Variants in NR3C2 observed in about 807,000 individuals in gnomAD.
The protein encoded by NR3C2 is nuclear receptor subfamily 3 group C member 2.
In NR3C2, 15 loss-of-function variants were observed where a neutral mutation model predicts 86.4. The ratio of observed to expected loss-of-function variants is 0.17; its 90% CI spans 0.12 to 0.27. The LOEUF (loss-of-function observed/expected upper bound fraction) is 0.27, where lower values mean the gene tolerates loss of function less well. NR3C2 is among the 10% of genes least tolerant of loss of function. The probability of loss-of-function intolerance (pLI) is 1.00; values close to 1 mark genes in which losing one functional copy is unlikely to be tolerated. For missense variants in NR3C2, 960 were observed against 1,195.6 expected (o/e 0.80, Z 2.91); for synonymous variants, 458 against 450.5 (o/e 1.02, Z -0.21).
chr4:148,415,595 T>A (rs1429473497), intron 2 of NR3C2, among the ~76,000 whole-genome samples: 1 of 152,032 alleles, frequency 6.6e-6, no homozygotes. Context: ...ATGTGCAGGG[T>A]CCATGCCTCC....
At position 148,080,376 on chromosome 4, in the gene NR3C2, GC is replaced by G. The variant is rs1162790726; in HGVS notation, c.*967del. On this transcript the variant is annotated 3_prime_UTR_variant, in exon 9 of 9. Transcript: ENST00000358102. ...AAAATAATGGTAAATTAGATATGAA[GC>G]TAAAAAAGGCACAGCTTTCCCTTTC... 1 of 152,576 alleles carries G rather than the reference GC, an allele frequency of 6.6e-6. No homozygotes were observed. The highest frequency in any genetic ancestry group is 2.4e-5 in the African/African-American group (1 of 41,430). 9.5% of individuals were successfully genotyped at this position (152,576 alleles called of 1,614,324 possible).
intron 2 of NR3C2, among the ~76,000 whole-genome samples, chr4:148,316,490 G>A (rs1743182576): frequency 6.6e-6 from 1 of 151,968 alleles, no homozygotes; most frequent in Non-Finnish European, 1.5e-5. Context: ...CATTAATTAC[G>A]TACAAACACC....
chr4:148,204,026 T>C (rs949490207), intron 3 of NR3C2, among the ~76,000 whole-genome samples: 1 of 152,226 alleles, frequency 6.6e-6, no homozygotes, highest in African/African-American at 2.4e-5. Context: ...CAAGAGTTCT[T>C]CCCATGTGGA....
At chr4:148,178,476 T>G (rs1047817242) in intron 4 of NR3C2, among the ~76,000 whole-genome samples, 1 of 151,750 alleles carries the variant, frequency 6.6e-6, no homozygotes, top group African/African-American at 2.4e-5. Flanking sequence ...TATTGAAAAT[T>G]TTGCCACGAT....
intron 6 of NR3C2, 117 bp downstream of exon 6, chr4:148,152,352 A>C: frequency 1.7e-6 from 2 of 1,179,950 alleles, no homozygotes; most frequent in Non-Finnish European, 2.4e-6. Context: ...TAACGTTAAA[A>C]AATGCCAGTT....
rs914324937 is a variant in NR3C2, at chr4:148,406,903, G to A, written c.1757+28201C>T. Among the ~76,000 whole-genome samples, 3 of 152,310 alleles carry A rather than the reference G, an allele frequency of 2.0e-5. No homozygotes were observed. The South Asian group carries it at 6.2e-4, about 32-fold the overall frequency. On this transcript the variant is annotated intron_variant, in intron 2 of 8. Transcript: ENST00000358102. ...TGACAGTCAATAGTTTCAGTGAGAT[G>A]TGAATTTAAGCTGCGTAATTATTGG...
chr4:148,123,514 C>CT (rs1175681430), intron 6 of NR3C2, among the ~76,000 whole-genome samples: 5 of 152,320 alleles, frequency 3.3e-5, no homozygotes, highest in East Asian at 1.9e-4. Context: ...CTTACACCCC[C>CT]TCCCCTTTTG....
At chr4:148,090,688 G>A in intron 8 of NR3C2, among the ~76,000 whole-genome samples, 1 of 152,162 alleles carries the variant, frequency 6.6e-6, no homozygotes, top group Non-Finnish European at 1.5e-5. Flanking sequence ...AGGGGCTGGG[G>A]TTAAGGGCTT....
intron 3 of NR3C2, among the ~76,000 whole-genome samples, chr4:148,242,294 G>C (rs891759244): frequency 2.0e-5 from 3 of 152,186 alleles, no homozygotes; most frequent in Non-Finnish European, 4.4e-5. Context: ...TCTGTTGCTG[G>C]TGGGGATGGA....
At chr4:148,141,761 C>A (rs1190663576) in intron 6 of NR3C2, among the ~76,000 whole-genome samples, 1 of 152,138 alleles carries the variant, frequency 6.6e-6, no homozygotes, top group Admixed American at 6.5e-5. Flanking sequence ...TCTCATAGGA[C>A]TGCGAACCCT....
chr4:148,360,466 G>A (rs575767839), intron 2 of NR3C2, among the ~76,000 whole-genome samples: 33 of 152,090 alleles, frequency 2.2e-4, no homozygotes, highest in African/African-American at 6.3e-4. Flanking sequence ...AGGCTCTTAC[G>A]GTAAAGCTAA....
chr4:148,401,792 C>A (rs943446548), intron 2 of NR3C2, among the ~76,000 whole-genome samples: 1 of 152,064 alleles, frequency 6.6e-6, no homozygotes, highest in Non-Finnish European at 1.5e-5. Context: ...TAGACACCAT[C>A]CTTTTCTCCA....
At chr4:148,292,704 CT>C (rs2149910149) in intron 2 of NR3C2, among the ~76,000 whole-genome samples, 1 of 152,128 alleles carries the variant, frequency 6.6e-6, no homozygotes, top group East Asian at 1.9e-4. Flanking sequence ...TTAATCAGGT[CT>C]TTAAAAAAGT....
intron 2 of NR3C2, among the ~76,000 whole-genome samples, chr4:148,376,903 C>A (rs920768686): frequency 2.0e-5 from 3 of 152,100 alleles, no homozygotes; most frequent in African/African-American, 7.2e-5. Context: ...AACAAAAACT[C>A]TTTTTCCTCA....
chr4:148,351,472 G>A (rs1337508715), intron 2 of NR3C2, among the ~76,000 whole-genome samples: 1 of 152,068 alleles, frequency 6.6e-6, no homozygotes, highest in East Asian at 1.9e-4. Context: ...TGTAACATTT[G>A]CCTCTTTCTT....
chr4:148,390,604 C>T (rs373039251), intron 2 of NR3C2, among the ~76,000 whole-genome samples: 11 of 152,254 alleles, frequency 7.2e-5, no homozygotes, highest in African/African-American at 2.4e-4. Flanking sequence ...CAAGTAGCTG[C>T]TGTTTACTTG....
chr4:148,382,028 A>G (rs1747019931), intron 2 of NR3C2, among the ~76,000 whole-genome samples: 1 of 152,162 alleles, frequency 6.6e-6, no homozygotes, highest in East Asian at 1.9e-4. Context: ...CAATAGACAC[A>G]GCATAGATCA....
At chr4:148,373,240 T>A (rs1325395453) in intron 2 of NR3C2, among the ~76,000 whole-genome samples, 1 of 152,170 alleles carries the variant, frequency 6.6e-6, no homozygotes, top group African/African-American at 2.4e-5. Flanking sequence ...ACTGGTAAAA[T>A]CCTACCAATT....
At chr4:148,215,167 A>G (rs1737466857) in intron 3 of NR3C2, among the ~76,000 whole-genome samples, 1 of 152,228 alleles carries the variant, frequency 6.6e-6, no homozygotes, top group Non-Finnish European at 1.5e-5. Context: ...GGGGTATGAA[A>G]AGGGAAAACA....
Sources: gnomAD v4.1 joint callset for allele counts (sites outside exome capture counted in the v4.1 genomes callset) on GRCh38, gnomAD v4.1.1 for gene constraint, MANE v1.5 for transcripts, NCBI Gene and HGNC (gene_info 2026-07-23, HGNC 2026-07-21) for gene names.